Variants in HDAC4 observed in about 807,000 individuals in gnomAD.
The protein encoded by HDAC4 is histone deacetylase 4.
A neutral mutation model predicts 135.1 loss-of-function variants in HDAC4; 16 were observed. The ratio of observed to expected loss-of-function variants is 0.12; its 90% CI spans 0.08 to 0.18. The LOEUF is 0.18. HDAC4 is among the 10% of genes least tolerant of loss of function. The pLI, the probability that HDAC4 is intolerant of heterozygous loss-of-function variation, is 1.00. For synonymous variants in HDAC4, 685 were observed against 653.4 expected (o/e 1.05, Z -0.74); for missense variants, 1,143 against 1,511.8 (o/e 0.76, Z 4.05).
intron 6 of HDAC4, chr2:239,161,823 T>TC (rs1425731030): frequency 2.5e-6 from 1 of 400,048 alleles, no homozygotes; most frequent in Non-Finnish European, 4.9e-6. Context: ...TTGCCACCCC[T>TC]CCTCCCTGGA....
At chr2:239,346,630 ACACT>A (rs1319651683) in intron 2 of HDAC4, among the ~76,000 whole-genome samples, 7 of 139,804 alleles carry the variant, frequency 5.0e-5, no homozygotes, top group African/African-American at 1.2e-4. Context: ...TAACACACAC[ACACT>A]CTGTCTAAAA....
chr2:239,226,924 C>T lies in HDAC4; in HGVS notation c.94+9669G>A, dbSNP rs774621884. 5.3e-5 allele frequency among the ~76,000 whole-genome samples: 8 copies of T among 152,226 alleles called. No homozygotes were observed. In the East Asian group the frequency reaches 7.7e-4, roughly 15 times the overall value. ...AAAAATAACAGAGTGAACACAATCA[C>T]GTTGTCAGGATCCCTCCAAGATTCT... On this transcript the variant is annotated intron_variant, in intron 3 of 26. Transcript: ENST00000543185.
intron 3 of HDAC4, among the ~76,000 whole-genome samples, chr2:239,231,922 G>A (rs1453799434): frequency 1.4e-5 from 2 of 146,078 alleles, no homozygotes; most frequent in Non-Finnish European, 1.5e-5. Flanking sequence ...TGTCCTCCCC[G>A]AAGCGCCCCT....
intron 2 of HDAC4, among the ~76,000 whole-genome samples, chr2:239,316,633 T>C (rs1287537734): frequency 1.3e-5 from 2 of 152,070 alleles, no homozygotes; most frequent in African/African-American, 4.8e-5. Flanking sequence ...GCAGAGTGTA[T>C]GGCTGTCCAC....
intron 3 of HDAC4, among the ~76,000 whole-genome samples, chr2:239,200,034 A>G (rs1379114551): frequency 6.6e-6 from 1 of 152,086 alleles, no homozygotes; most frequent in African/African-American, 2.4e-5. Flanking sequence ...CACCGCGCCC[A>G]GCCCTCTTCC....
In HDAC4 at chr2:239,307,368, C is replaced by T. The variant is rs998939417; in HGVS notation, c.22+45310G>A. ...AGGCCCCAACACAAGAGCGGCTCTC[C>T]GTGATGCCCAGAGGCGGCCACTGGG... is the stretch of plus-strand genomic sequence containing the variant. On this transcript the variant is annotated intron_variant, in intron 2 of 26. Coordinates refer to ENST00000543185, the MANE Select transcript of HDAC4 (RefSeq NM_001378414.1). This position sits in a 1 kb window ranked among gnomAD's most constrained non-coding sequence, Gnocchi z 4.8. Among the ~76,000 whole-genome samples the T allele has an allele frequency of 2.6e-5, 4 of 152,136 alleles. No homozygotes were observed. Among genetic ancestry groups the T allele is most frequent in the Admixed American group, 6.5e-5 (1 of 15,282 alleles).
At chr2:239,145,427 G>A (rs1233271697) in intron 7 of HDAC4, among the ~76,000 whole-genome samples, 1 of 150,802 alleles carries the variant, frequency 6.6e-6, no homozygotes. Context: ...AGCCATTTGC[G>A]AATCTACACC....
chr2:239,286,282 T>TA (rs1288637214), intron 2 of HDAC4, among the ~76,000 whole-genome samples: 7 of 151,946 alleles, frequency 4.6e-5, no homozygotes, highest in Middle Eastern at 3.4e-3. Context: ...TGATGCATTT[T>TA]AAAAAAAAGA....
At chr2:239,189,780 G>C in intron 4 of HDAC4, 53 bp downstream of exon 4, 2 of 1,539,274 alleles carry the variant, frequency 1.3e-6, no homozygotes, top group Non-Finnish European at 1.8e-6. Flanking sequence ...GAGTCACCGG[G>C]AGTTGAGGGT....
chr2:239,199,687 G>T (rs2045632987), intron 3 of HDAC4, among the ~76,000 whole-genome samples: 2 of 151,958 alleles, frequency 1.3e-5, no homozygotes, highest in Non-Finnish European at 2.9e-5. Context: ...CTCTCTGAGA[G>T]CAGCGCCCTG....
At chr2:239,223,942 T>C (rs11685880) in intron 3 of HDAC4, among the ~76,000 whole-genome samples, 18,428 of 151,536 alleles carry the variant, frequency 0.12, 1,226 homozygotes, top group African/African-American at 0.14. Context: ...TTCATGTCCA[T>C]GTATCTTTCT....
At position 239,068,892 on chromosome 2, in the gene HDAC4, C is replaced by T; in HGVS notation, c.2751-285G>A. Reference sequence around the variant, plus strand: ...GAGTCACGGTGCAAGCCAGCAAGCCCCACTGCACTTGCTTGGTGAGAGGGA... The same window carrying T: ...GAGTCACGGTGCAAGCCAGCAAGCCTCACTGCACTTGCTTGGTGAGAGGGA... On this transcript the variant is annotated intron_variant, in intron 22 of 26. Transcript: ENST00000543185. This position sits in a 1 kb window ranked among gnomAD's most constrained non-coding sequence, Gnocchi z 4.4. 1 of 397,382 alleles carries T rather than the reference C, an allele frequency of 2.5e-6. No individual in the cohort carries two copies. Among genetic ancestry groups the T allele is most frequent in the Non-Finnish European group, 4.8e-6 (1 of 207,862 alleles). 24.6% of individuals were successfully genotyped at this position (397,382 alleles called of 1,614,324 possible).
rs368801140 is a variant in HDAC4 at position 239,197,847 on chromosome 2, T to TTGTGTGTGTGTGTGTGTGTG, written c.95-7790_95-7771dup. 1.7e-3 allele frequency among the ~76,000 whole-genome samples: 242 copies of TTGTGTGTGTGTGTGTGTGTG among 140,208 alleles called. 3 individuals carry two copies. The highest frequency in any genetic ancestry group is 3.7e-3 in the South Asian group (15 of 4,072). 92.0% of individuals were successfully genotyped at this position (140,208 alleles called of 152,430 possible). On this transcript the variant is annotated intron_variant, in intron 3 of 26. Transcript: ENST00000543185. Reference sequence around the variant, plus strand: ...ATAGTAATGATAGCTCACTAAAAGTTTGTGTGTGTGTGTGTGTGTGTGTGT... The same window carrying TTGTGTGTGTGTGTGTGTGTG: ...ATAGTAATGATAGCTCACTAAAAGTTTGTGTGTGTGTGTGTGTGTGTGTGTGTGTGTGTGTGTGTGTGTGT...
intron 1 of HDAC4, among the ~76,000 whole-genome samples, chr2:239,392,850 G>T (rs1325318847): frequency 6.6e-6 from 1 of 152,208 alleles, no homozygotes; most frequent in East Asian, 1.9e-4. Context: ...AGCCAGCAAG[G>T]CCCCTGCAGA....
intron 2 of HDAC4, among the ~76,000 whole-genome samples, chr2:239,323,155 C>T (rs1481068530): frequency 2.0e-5 from 3 of 152,184 alleles, no homozygotes; most frequent in Non-Finnish European, 4.4e-5. Context: ...ATTTAAGTCC[C>T]ATTAACAGAG....
intron 2 of HDAC4, among the ~76,000 whole-genome samples, chr2:239,347,955 A>G (rs1341716918): frequency 6.6e-6 from 1 of 151,490 alleles, no homozygotes; most frequent in Non-Finnish European, 1.5e-5. Flanking sequence ...GACACGTCCC[A>G]GCAAATCCAC....
rs1268356243 is a variant in HDAC4 at position 239,139,916 on chromosome 2, A to C, written c.866-120T>G. The stretch of plus-strand genomic sequence containing the variant: ...TGCTCGTTAGCTTGCGACAGGCAGA[A>C]GTCCCAACAAAAAGAACATGGCCAT... On this transcript the variant is annotated intron_variant, in intron 8 of 26. Coordinates refer to ENST00000543185, the MANE Select transcript of HDAC4 (RefSeq NM_001378414.1). The surrounding 1 kb of genome is among the most constrained non-coding windows in gnomAD (Gnocchi z 5.3). 1 of 712,794 alleles carries C rather than the reference A, an allele frequency of 1.4e-6. No individual in the cohort carries two copies. Among genetic ancestry groups the C allele is most frequent in the East Asian group, 2.7e-5 (1 of 37,478 alleles). The allele number at this position is 712,794 out of a possible 1,614,324, so 44.2% of individuals were successfully genotyped here.
chr2:239,293,675 C>G (rs1398836526), intron 2 of HDAC4, among the ~76,000 whole-genome samples: 2 of 152,210 alleles, frequency 1.3e-5, no homozygotes, highest in African/African-American at 4.8e-5. Context: ...CACAGGGCAT[C>G]TCTGGGCTCT....
chr2:239,076,142 G>A (rs998134624), intron 22 of HDAC4, among the ~76,000 whole-genome samples: 1 of 151,788 alleles, frequency 6.6e-6, no homozygotes, highest in Non-Finnish European at 1.5e-5. Context: ...AGTAGCAGGC[G>A]GGTGCCGGGC....
Sources: allele counts gnomAD v4.1 joint callset (sites outside exome capture counted in the v4.1 genomes callset), GRCh38; gene constraint gnomAD v4.1.1; non-coding constraint Gnocchi (gnomAD v3.1); transcripts MANE v1.5; gene names NCBI Gene and HGNC (gene_info 2026-07-23, HGNC 2026-07-21).